The following NR3C2 variants were observed in gnomAD, a reference collection of about 807,000 sequenced individuals.
The protein encoded by NR3C2 is mineralocorticoid receptor.
NR3C2 carries 15 observed loss-of-function variants against 86.4 expected under a neutral mutation model. That is an observed-to-expected ratio of 0.17 (90% CI 0.12 to 0.27). NR3C2 has a LOEUF of 0.27. Ranked by LOEUF, NR3C2 falls within the 10% of genes least tolerant of loss-of-function variation. The probability of loss-of-function intolerance (pLI) is 1.00; values close to 1 mark genes in which losing one functional copy is unlikely to be tolerated. For synonymous variants in NR3C2, 458 were observed against 450.5 expected (o/e 1.02, Z -0.21); for missense variants, 960 against 1,195.6 (o/e 0.80, Z 2.91).
chr4:148,384,402 A>C (rs1747160555), intron 2 of NR3C2, among the ~76,000 whole-genome samples: 1 of 152,122 alleles, frequency 6.6e-6, no homozygotes, highest in Non-Finnish European at 1.5e-5. Context: ...GAATTGTATT[A>C]CTGCTTTATT....
At chr4:148,215,263 A>C (rs17483979) in intron 3 of NR3C2, among the ~76,000 whole-genome samples, 25,229 of 152,226 alleles carry the variant, frequency 0.17, 2,652 homozygotes, top group Admixed American at 0.24. Context: ...GTGTTTCATA[A>C]AGTATCAGGA....
At chr4:148,099,517 A>C (rs1731439401) in intron 8 of NR3C2, among the ~76,000 whole-genome samples, 1 of 152,190 alleles carries the variant, frequency 6.6e-6, no homozygotes, top group Non-Finnish European at 1.5e-5. Context: ...AAAATAATCC[A>C]AGTAAGCATT....
rs142273506 is a variant in NR3C2 at position 148,283,943 on chromosome 4, T to A, written c.1758-23826A>T. On this transcript the variant is annotated intron_variant, in intron 2 of 8. Coordinates refer to ENST00000358102, the MANE Select transcript of NR3C2 (RefSeq NM_000901.5). ...AGTGATTACCAGGCTCTCCCCACCC[T>A]CGTAATGACCACTTTCAAAGTATCA... 6.3e-3 allele frequency among the ~76,000 whole-genome samples: 963 copies of A among 152,288 alleles called. 11 individuals carry two copies. The highest frequency in any genetic ancestry group is 0.022 in the African/African-American group (920 of 41,576).
intron 2 of NR3C2, among the ~76,000 whole-genome samples, chr4:148,303,853 C>G (rs948897849): frequency 6.6e-6 from 1 of 152,214 alleles, no homozygotes; most frequent in Non-Finnish European, 1.5e-5. Flanking sequence ...CCAGGGAAGA[C>G]AGGGCATACA....
intron 2 of NR3C2, among the ~76,000 whole-genome samples, chr4:148,336,242 G>A (rs957643870): frequency 5.9e-5 from 9 of 152,236 alleles, no homozygotes; most frequent in African/African-American, 1.9e-4. Flanking sequence ...AAAGCTATCT[G>A]TGTTAAGAAT....
chr4:148,383,302 T>C (rs1239575404), intron 2 of NR3C2, among the ~76,000 whole-genome samples: 1 of 152,180 alleles, frequency 6.6e-6, no homozygotes, highest in Non-Finnish European at 1.5e-5. Flanking sequence ...GTCTACAGTA[T>C]TAAAGAGGTG....
intron 3 of NR3C2, among the ~76,000 whole-genome samples, chr4:148,196,900 T>C (rs1736466746): frequency 6.6e-6 from 1 of 152,210 alleles, no homozygotes. Flanking sequence ...TTTCATGATG[T>C]TGTACAGCAG....
chr4:148,436,701 C>T lies in NR3C2; in HGVS notation c.160G>A (p.Ala54Thr). 6.2e-7 allele frequency: 1 copy of T among 1,614,134 alleles called. No homozygotes were observed. The highest frequency in any genetic ancestry group is 8.5e-7 in the Non-Finnish European group (1 of 1,180,034). The change falls in exon 2 of 9, where the codon GCT becomes ACT. Residue 54 changes from alanine (A) to threonine (T), a missense_variant. This residue lies in a region of NR3C2 where 680 missense variants were observed against 719.0 expected (regional missense o/e 0.95). Transcript: ENST00000358102. ...EIVNVSCVSG[A>T]IPNNSTQGSS... is the part of the protein sequence containing the mutation. ...CCTTGAGTACTGTTGTTTGGAATAG[C>T]ACCGGAAACACAGCTTACGTTGACA...
intron 8 of NR3C2, among the ~76,000 whole-genome samples, chr4:148,113,386 TA>T: frequency 6.6e-6 from 1 of 152,344 alleles, no homozygotes; most frequent in Non-Finnish European, 1.5e-5. Context: ...ACATTTTTAT[TA>T]ACCAAACATT....
chr4:148,128,112 CTTTCA>C (rs1235556228), intron 6 of NR3C2, among the ~76,000 whole-genome samples: 2 of 152,118 alleles, frequency 1.3e-5, no homozygotes, highest in African/African-American at 2.4e-5. Flanking sequence ...GTGAGTAGGG[CTTTCA>C]AAATTTAAAT....
intron 2 of NR3C2, among the ~76,000 whole-genome samples, chr4:148,424,103 C>G (rs1257264452): frequency 6.6e-6 from 1 of 152,038 alleles, no homozygotes; most frequent in African/African-American, 2.4e-5. Flanking sequence ...TAACAGAACT[C>G]AAAAAGATGA....
chr4:148,388,647 G>A (rs1250094667), intron 2 of NR3C2, among the ~76,000 whole-genome samples: 1 of 152,140 alleles, frequency 6.6e-6, no homozygotes, highest in East Asian at 1.9e-4. Context: ...AAGTTGGGGA[G>A]ACTATTAAAC....
chr4:148,187,029 T>TAA (rs1696961815), intron 4 of NR3C2, among the ~76,000 whole-genome samples: 1 of 127,912 alleles, frequency 7.8e-6, no homozygotes, highest in Non-Finnish European at 1.7e-5. Flanking sequence ...TATATATATA[T>TAA]ATATATATAT....
chr4:148,391,035 T>C (rs570507593), intron 2 of NR3C2, among the ~76,000 whole-genome samples: 7 of 152,342 alleles, frequency 4.6e-5, no homozygotes, highest in Non-Finnish European at 7.4e-5. Flanking sequence ...TTGTATATTA[T>C]GTTGCTAAAT....
intron 3 of NR3C2, among the ~76,000 whole-genome samples, chr4:148,224,690 C>T (rs1579036291): frequency 6.6e-6 from 1 of 152,290 alleles, no homozygotes; most frequent in East Asian, 1.9e-4. Flanking sequence ...AGAATCCCAG[C>T]TCTGCCATGT....
chr4:148,380,617 CTT>C (rs1421703843), intron 2 of NR3C2, among the ~76,000 whole-genome samples: 1 of 152,176 alleles, frequency 6.6e-6, no homozygotes, highest in African/African-American at 2.4e-5. Flanking sequence ...GTTACTGTCT[CTT>C]TGATTATACT....
chr4:148,309,855 T>C (rs1003350460), intron 2 of NR3C2, among the ~76,000 whole-genome samples: 2 of 152,138 alleles, frequency 1.3e-5, no homozygotes, highest in African/African-American at 4.8e-5. Context: ...ATAGTAACTA[T>C]AAATTTCATA....
chr4:148,401,975 C>G (rs1748191584), intron 2 of NR3C2, among the ~76,000 whole-genome samples: 2 of 152,094 alleles, frequency 1.3e-5, no homozygotes, highest in African/African-American at 4.8e-5. Context: ...CTGTTACAGT[C>G]TGAGGTAGGT....
At chr4:148,432,392 A>G (rs1749836409) in intron 2 of NR3C2, among the ~76,000 whole-genome samples, 1 of 152,196 alleles carries the variant, frequency 6.6e-6, no homozygotes, top group Non-Finnish European at 1.5e-5. Flanking sequence ...GTTAGTTTCA[A>G]TGTGGAATCT....
Sources: allele counts gnomAD v4.1 joint callset (sites outside exome capture counted in the v4.1 genomes callset), GRCh38; gene constraint gnomAD v4.1.1; regional missense constraint gnomAD v4.1.1; transcripts MANE v1.5; gene names NCBI Gene and HGNC (gene_info 2026-07-23, HGNC 2026-07-21).